The following GRIN2D variants were observed in gnomAD, a reference collection of about 807,000 sequenced individuals.
The protein encoded by GRIN2D is glutamate receptor ionotropic, NMDA 2D.
A neutral mutation model predicts 103.2 loss-of-function variants in GRIN2D; 37 were observed. The observed-to-expected ratio is 0.36, with a 90% confidence interval of 0.28 to 0.47. The LOEUF (loss-of-function observed/expected upper bound fraction) is 0.47, where lower values mean the gene tolerates loss of function less well. Among genes scored for constraint, GRIN2D ranks in the 20% least tolerant of loss-of-function variants. The pLI, the probability that GRIN2D is intolerant of heterozygous loss-of-function variation, is 1.00. For synonymous variants in GRIN2D, 845 were observed against 885.6 expected, an observed-to-expected ratio of 0.95 and a Z score of 0.81; for missense variants, 1,557 against 1,910.6, an observed-to-expected ratio of 0.81 and a Z score of 3.45.
In GRIN2D at chr19:48,414,777, C is replaced by A; in HGVS notation, c.1413-87C>A. The stretch of plus-strand genomic sequence containing the variant: ...AAGCGCTAACCATAGTTTTAGCTGC[C>A]GCCTATCCCTTCCTCCATATCCTCT... On this transcript the variant is annotated intron_variant, in intron 6 of 13. Transcript: ENST00000263269. The surrounding 1 kb of genome is among the most constrained non-coding windows in gnomAD (Gnocchi z 4.6). 2 of 1,440,584 alleles carry A rather than the reference C, an allele frequency of 1.4e-6. No individual in the cohort carries two copies. The highest frequency in any genetic ancestry group is 9.5e-7 in the Non-Finnish European group (1 of 1,049,482). The allele number at this position is 1,440,584 out of a possible 1,614,324, so 89.2% of individuals were successfully genotyped here. A position where few individuals can be genotyped will look rare whatever the true frequency, so the allele number is the denominator to read the frequency against.
Position 48,421,981 on chromosome 19 carries a change from C to A in GRIN2D, c.2252+36C>A. On this transcript the variant is annotated intron_variant, in intron 11 of 13. Transcript: ENST00000263269. This position sits in a 1 kb window ranked among gnomAD's most constrained non-coding sequence, Gnocchi z 4.8. ...ACTCGGGCCGGGGGTGGGGGTTGGG[C>A]CGCTGGGGACCTGAGGATGCTCAAA... The A allele has an allele frequency of 6.3e-7, 1 of 1,596,702 alleles. No individual in the cohort carries two copies. Among genetic ancestry groups the A allele is most frequent in the South Asian group, 1.1e-5 (1 of 90,256 alleles).
At chr19:48,418,467 G>A (rs1970974811) in intron 8 of GRIN2D, among the ~76,000 whole-genome samples, 1 of 152,104 alleles carries the variant, frequency 6.6e-6, no homozygotes, top group Admixed American at 6.6e-5. Context: ...AGCAGGGGAG[G>A]GGCCAGGTCC....
intron 3 of GRIN2D, among the ~76,000 whole-genome samples, chr19:48,402,288 T>C (rs1473764346): frequency 3.9e-5 from 6 of 152,118 alleles, no homozygotes; most frequent in Non-Finnish European, 5.9e-5. Context: ...TCTTTGAACG[T>C]AGAGCTAAGA....
chr19:48,395,494 T>C (rs927690057), intron 2 of GRIN2D, among the ~76,000 whole-genome samples: 44 of 151,190 alleles, frequency 2.9e-4, no homozygotes, highest in African/African-American at 1.1e-3. Context: ...AGACCGATGT[T>C]GTGTGTGTGT....
rs1204764292 is a variant in GRIN2D, at chr19:48,414,559, C to A, written c.1387C>A (p.Arg463=). The A allele has an allele frequency of 1.7e-5, 26 of 1,552,604 alleles. 1 individual carries two copies. The Middle Eastern group carries it at 2.6e-3, about 156-fold the overall frequency. The change falls in exon 6 of 14, where the codon CGG becomes AGG. Residue 463 remains arginine (R), a synonymous_variant. Transcript: ENST00000263269. The surrounding 1 kb of genome is among the most constrained non-coding windows in gnomAD (Gnocchi z 4.6). ...CTGCATCCGAGACTCCGTCCCCTGC[C>A]GGAGCCAGCTCAACCGAACCCACAG... ...GTCIRDSVPC[R]SQLNRTHSPP... is the part of the protein sequence containing the mutation.
At chr19:48,397,155 T>A (rs957881725) in intron 2 of GRIN2D, among the ~76,000 whole-genome samples, 1 of 141,876 alleles carries the variant, frequency 7.0e-6, no homozygotes, top group South Asian at 2.6e-4. Flanking sequence ...GATGGGGCCA[T>A]GACTCCCTTG....
At chr19:48,424,437 A>AT (rs1470044956) in intron 11 of GRIN2D, among the ~76,000 whole-genome samples, 1 of 149,962 alleles carries the variant, frequency 6.7e-6, no homozygotes, top group Admixed American at 6.7e-5. Flanking sequence ...CGCCCAGCTA[A>AT]TTTTTTGTAT....
At chr19:48,427,768 A>ACC (rs1165702169) in intron 11 of GRIN2D, among the ~76,000 whole-genome samples, 1 of 151,450 alleles carries the variant, frequency 6.6e-6, no homozygotes, top group African/African-American at 2.4e-5. Flanking sequence ...GGCGTGAGCC[A>ACC]CCCTCCTTGG....
chr19:48,440,438 C>T (rs1014676827), intron 11 of GRIN2D, among the ~76,000 whole-genome samples: 18 of 151,754 alleles, frequency 1.2e-4, no homozygotes, highest in Non-Finnish European at 1.9e-4. Flanking sequence ...ACAAAAAATA[C>T]AAAAATTAGC....
At chr19:48,439,080 T>C (rs1487596759) in intron 11 of GRIN2D, among the ~76,000 whole-genome samples, 1 of 147,814 alleles carries the variant, frequency 6.8e-6, no homozygotes, top group Non-Finnish European at 1.5e-5. Flanking sequence ...ATGCCCAGCC[T>C]AACTTTTTAA....
Position 48,414,944 on chromosome 19 carries a change from C to G in GRIN2D, c.1493C>G (p.Thr498Ser), listed in dbSNP as rs1446148661. ...GACATTCTGAAGCGGCTGGCGCATA[C>G]CATCGGCTTCAGCTACGACCTCTAC... ...CIDILKRLAH[T>S]IGFSYDLYLV... Residue 498 changes from threonine to serine, a missense_variant, in exon 7 of 14, where the codon ACC becomes AGC. Thr to Ser is a moderately conservative substitution (Grantham distance 58). Coordinates refer to ENST00000263269, the MANE Select transcript of GRIN2D (RefSeq NM_000836.4). This position sits in a 1 kb window ranked among gnomAD's most constrained non-coding sequence, Gnocchi z 4.6. The G allele has an allele frequency of 6.2e-7, 1 of 1,614,044 alleles. No individual in the cohort carries two copies.
chr19:48,440,517 G>A (rs530912784), intron 11 of GRIN2D, among the ~76,000 whole-genome samples: 4 of 152,196 alleles, frequency 2.6e-5, no homozygotes, highest in Non-Finnish European at 4.4e-5. Flanking sequence ...CGGTTGAACC[G>A]AAGAGGTCAA....
At chr19:48,440,163 A>G (rs1488645288) in intron 11 of GRIN2D, among the ~76,000 whole-genome samples, 1 of 152,114 alleles carries the variant, frequency 6.6e-6, no homozygotes, top group African/African-American at 2.4e-5. Flanking sequence ...GTGAGCTGAG[A>G]TCACGCCTCT....
In GRIN2D at chr19:48,398,644, G is replaced by A. The variant is rs1970672051; in HGVS notation, c.252G>A (p.Val84=). ...AAAVRSPGLD[V]RPVALVLNGS... ...CGGTGCGCAGCCCGGGCCTAGACGT[G>A]CGGCCCGTGGCGCTGGTGCTCAACG... Residue 84 remains valine, a synonymous_variant, in exon 3 of 14, where the codon GTG becomes GTA. Transcript: ENST00000263269. 3 of 1,429,088 alleles carry A rather than the reference G, an allele frequency of 2.1e-6. No individual in the cohort carries two copies. Among genetic ancestry groups the A allele is most frequent in the Middle Eastern group, 5.0e-4 (2 of 4,034 alleles). The allele number at this position is 1,429,088 out of a possible 1,614,324, so 88.5% of individuals were successfully genotyped here.
rs765129833 is a variant in GRIN2D, at chr19:48,405,145, C to T, written c.877C>T (p.Leu293Phe). ...GGSGAPGEPP[L>F]LPGGAPLPAG... ...CTCTGGGGCCCCTGGTGAGCCCCCT[C>T]TTCTGCCAGGAGGCGCCCCCCTGCC... The change falls in exon 4 of 14, where the codon CTT becomes TTT. Residue 293 changes from leucine (L) to phenylalanine (F), a missense_variant. By Grantham distance (22) the Leu-to-Phe change is conservative. Transcript: ENST00000263269. The surrounding 1 kb of genome is among the most constrained non-coding windows in gnomAD (Gnocchi z 5.1). 6 of 1,574,364 alleles carry T rather than the reference C, an allele frequency of 3.8e-6. No individual in the cohort carries two copies. Among genetic ancestry groups the T allele is most frequent in the South Asian group, 3.4e-5 (3 of 87,066 alleles).
chr19:48,429,415 T>A (rs1303371513), intron 11 of GRIN2D, among the ~76,000 whole-genome samples: 10 of 152,054 alleles, frequency 6.6e-5, no homozygotes, highest in East Asian at 1.9e-4. Flanking sequence ...TATTTATTTT[T>A]TTGAGATGGA....
In GRIN2D at chr19:48,443,942, GC is replaced by G; in HGVS notation, c.*9del. On this transcript the variant is annotated 3_prime_UTR_variant, in exon 14 of 14. Coordinates refer to ENST00000263269, the MANE Select transcript of GRIN2D (RefSeq NM_000836.4). This position sits in a 1 kb window ranked among gnomAD's most constrained non-coding sequence, Gnocchi z 8.9. The stretch of plus-strand genomic sequence containing the variant: ...AGCCTCGAGTCCGAGGTATGACGCG[GC>G]CCCGGGGGCCCCACCGCCCCCTTGG... The G allele has an allele frequency of 7.2e-7, 1 of 1,392,028 alleles. No individual in the cohort carries two copies. The highest frequency in any genetic ancestry group is 9.3e-7 in the Non-Finnish European group (1 of 1,072,666). The allele number at this position is 1,392,028 out of a possible 1,614,324, so 86.2% of individuals were successfully genotyped here. A position where few individuals can be genotyped will look rare whatever the true frequency, so the allele number is the denominator to read the frequency against.
rs774933880 is a variant in GRIN2D at position 48,421,974 on chromosome 19, G to A, written c.2252+29G>A. The A allele has an allele frequency of 1.9e-6, 3 of 1,606,382 alleles. No homozygotes were observed. The highest frequency in any genetic ancestry group is 1.7e-5 in the Admixed American group (1 of 59,134). On this transcript the variant is annotated intron_variant, in intron 11 of 13. Coordinates refer to ENST00000263269, the MANE Select transcript of GRIN2D (RefSeq NM_000836.4). This position sits in a 1 kb window ranked among gnomAD's most constrained non-coding sequence, Gnocchi z 4.8. ...AGCGCAGACTCGGGCCGGGGGTGGGGGTTGGGCCGCTGGGGACCTGAGGAT... is the reference window on the plus strand; with the variant it reads ...AGCGCAGACTCGGGCCGGGGGTGGGAGTTGGGCCGCTGGGGACCTGAGGAT...
chr19:48,441,817 C>T lies in GRIN2D; in HGVS notation c.2301C>T (p.Ala767=). The T allele has an allele frequency of 6.2e-7, 1 of 1,614,000 alleles. No individual in the cohort carries two copies. The highest frequency in any genetic ancestry group is 8.5e-7 in the Non-Finnish European group (1 of 1,180,020). The change falls in exon 12 of 14, where the codon GCC becomes GCT. Residue 767 remains alanine (A), a synonymous_variant. Coordinates refer to ENST00000263269, the MANE Select transcript of GRIN2D (RefSeq NM_000836.4). Reference sequence around the variant, plus strand: ...ATGCTGCAGTGCTCAATTACATGGCCCGCAAGGACGAGGGCTGCAAGCTTG... The same window carrying T: ...ATGCTGCAGTGCTCAATTACATGGCTCGCAAGGACGAGGGCTGCAAGCTTG... ...IYDAAVLNYM[A]RKDEGCKLVT...
Sources: gnomAD v4.1 joint callset for allele counts (sites outside exome capture counted in the v4.1 genomes callset) on GRCh38, gnomAD v4.1.1 for gene constraint, Gnocchi (gnomAD v3.1) non-coding constraint, MANE v1.5 for transcripts, NCBI Gene and HGNC (gene_info 2026-07-23, HGNC 2026-07-21) for gene names.